LINGO1: variants seen among roughly 807,000 people sequenced by gnomAD.
The protein encoded by LINGO1 is leucine-rich repeat and immunoglobulin-like domain-containing nogo receptor-interacting protein 1.
A neutral mutation model predicts 37.3 loss-of-function variants in LINGO1; 11 were observed. The observed-to-expected ratio is 0.29, with a 90% CI of 0.19 to 0.49. The LOEUF (loss-of-function observed/expected upper bound fraction) is 0.49. Ranked by LOEUF, LINGO1 falls within the 20% of genes least tolerant of loss-of-function variation. The pLI, the probability that LINGO1 is intolerant of heterozygous loss-of-function variation, is 0.99. For missense variants in LINGO1, 585 were observed against 878.2 expected (o/e 0.67, Z 4.22); for synonymous variants, 387 against 403.0 (o/e 0.96, Z 0.48).
At chr15:77,671,521 C>T (rs747856289) in intron 3 of LINGO1, among the ~76,000 whole-genome samples, 8 of 152,214 alleles carry the variant, frequency 5.3e-5, no homozygotes, top group South Asian at 4.1e-4. Context: ...CAGATCAGTG[C>T]CCCGGGGCAG....
chr15:77,728,316 AG>A (rs1221276363), intron 2 of LINGO1, among the ~76,000 whole-genome samples: 1 of 152,244 alleles, frequency 6.6e-6, no homozygotes, highest in East Asian at 1.9e-4. Flanking sequence ...AGCTAGAGGC[AG>A]GTGGGCTGCA....
intron 3 of LINGO1, among the ~76,000 whole-genome samples, chr15:77,642,804 G>A (rs1341082944): frequency 2.6e-5 from 4 of 152,226 alleles, no homozygotes; most frequent in African/African-American, 9.7e-5. Context: ...AGGGAATCCC[G>A]AAAATTCTTA....
chr15:77,724,747 C>T (rs1035169307), intron 2 of LINGO1, among the ~76,000 whole-genome samples: 6 of 152,188 alleles, frequency 3.9e-5, no homozygotes, highest in African/African-American at 1.4e-4. Flanking sequence ...GTAAGCACCC[C>T]CGAGTCTCCC....
At chr15:77,808,271 G>A (rs1208611871) in intron 1 of LINGO1, among the ~76,000 whole-genome samples, 1 of 152,194 alleles carries the variant, frequency 6.6e-6, no homozygotes, top group African/African-American at 2.4e-5. Flanking sequence ...GCTCCCCAAT[G>A]TGGCACACTG....
At chr15:77,808,032 G>C (rs539162171) in intron 1 of LINGO1, among the ~76,000 whole-genome samples, 1 of 152,226 alleles carries the variant, frequency 6.6e-6, no homozygotes, top group Non-Finnish European at 1.5e-5. Context: ...ATAAGGAGAT[G>C]AGCCTTACCC....
chr15:77,636,328 C>T (rs1372813778), upstream of LINGO1, among the ~76,000 whole-genome samples: 1 of 152,216 alleles, frequency 6.6e-6, no homozygotes, highest in Non-Finnish European at 1.5e-5. Flanking sequence ...ACTGGCATCC[C>T]AGCAGCTCGC....
chr15:77,634,867 G>C (rs929297891), upstream of LINGO1, among the ~76,000 whole-genome samples: 3 of 152,040 alleles, frequency 2.0e-5, no homozygotes, highest in African/African-American at 7.2e-5. Flanking sequence ...CCTGCGTAAA[G>C]GCTCCGCCAG....
intron 1 of LINGO1, among the ~76,000 whole-genome samples, chr15:77,694,401 A>C (rs2075655454): frequency 6.6e-6 from 1 of 152,024 alleles, no homozygotes; most frequent in Non-Finnish European, 1.5e-5. Context: ...TCAGCCTCAG[A>C]TTCTCCGTGG....
chr15:77,718,209 C>G (rs980258084), intron 2 of LINGO1, among the ~76,000 whole-genome samples: 1 of 150,964 alleles, frequency 6.6e-6, no homozygotes, highest in Admixed American at 6.6e-5. Context: ...CAGCTTCACA[C>G]GCAGACCTAC....
intron 1 of LINGO1, among the ~76,000 whole-genome samples, chr15:77,740,527 A>T (rs1274679257): frequency 6.6e-6 from 1 of 152,094 alleles, no homozygotes; most frequent in Non-Finnish European, 1.5e-5. Flanking sequence ...TTACAGGCTC[A>T]CCTGCCCACA....
chr15:77,630,290 C>T (rs1425790971), intron 1 of LINGO1, among the ~76,000 whole-genome samples: 3 of 152,138 alleles, frequency 2.0e-5, no homozygotes, highest in Admixed American at 6.5e-5. Context: ...AACAGGAACA[C>T]GCCCCAACCC....
chr15:77,700,360 G>A (rs2075766710), upstream of LINGO1, among the ~76,000 whole-genome samples: 1 of 152,242 alleles, frequency 6.6e-6, no homozygotes, highest in African/African-American at 2.4e-5. Flanking sequence ...CACAGAGGTG[G>A]CAGCTTTTCA....
intron 2 of LINGO1, among the ~76,000 whole-genome samples, chr15:77,681,609 T>A (rs2075414997): frequency 6.6e-6 from 1 of 152,224 alleles, no homozygotes; most frequent in Middle Eastern, 3.2e-3. Flanking sequence ...TTCCCTTGAA[T>A]GGTTTTTGCT....
At chr15:77,639,694 G>A (rs949606489) in intron 3 of LINGO1, among the ~76,000 whole-genome samples, 6 of 152,094 alleles carry the variant, frequency 3.9e-5, no homozygotes, top group Admixed American at 3.3e-4. Flanking sequence ...TCATAAACAC[G>A]ATGTGGAGGA....
intron 2 of LINGO1, among the ~76,000 whole-genome samples, chr15:77,717,606 T>C (rs2076000116): frequency 6.6e-6 from 1 of 150,552 alleles, no homozygotes; most frequent in Admixed American, 6.6e-5. Flanking sequence ...TGGGGAGGAA[T>C]GGCAAGGAGA....
intron 2 of LINGO1, among the ~76,000 whole-genome samples, chr15:77,703,016 T>G (rs533988560): frequency 6.6e-6 from 1 of 152,326 alleles, no homozygotes; most frequent in East Asian, 1.9e-4. Flanking sequence ...ACCAGGCAGA[T>G]GTGAATGAGA....
chr15:77,740,200 G>A (rs1289143387), intron 1 of LINGO1, among the ~76,000 whole-genome samples: 1 of 152,186 alleles, frequency 6.6e-6, no homozygotes, highest in Non-Finnish European at 1.5e-5. Flanking sequence ...TGTCCTTGGA[G>A]CAGAGGTCTG....
chr15:77,702,002 T>A (rs564077917), intron 2 of LINGO1, among the ~76,000 whole-genome samples: 1 of 152,150 alleles, frequency 6.6e-6, no homozygotes, highest in African/African-American at 2.4e-5. Flanking sequence ...CCAAGCCACC[T>A]GGGGGCTGAG....
intron 1 of LINGO1, among the ~76,000 whole-genome samples, chr15:77,784,370 G>A (rs1276767029): frequency 6.6e-6 from 1 of 152,282 alleles, no homozygotes; most frequent in East Asian, 1.9e-4. Context: ...TGTCACTGAA[G>A]GCCAAGAGGC....
Sources: gnomAD v4.1 joint callset for allele counts (sites outside exome capture counted in the v4.1 genomes callset) on GRCh38, gnomAD v4.1.1 for gene constraint, MANE v1.5 for transcripts, NCBI Gene and HGNC (gene_info 2026-07-23, HGNC 2026-07-21) for gene names.